TMEM132D: variants seen among roughly 807,000 people sequenced by gnomAD.
The protein encoded by TMEM132D is transmembrane protein 132D.
TMEM132D carries 21 observed loss-of-function variants against 62.3 expected under a neutral mutation model. That is an observed-to-expected ratio of 0.34 (90% confidence interval 0.24 to 0.49). TMEM132D has a LOEUF of 0.49. Ranked by LOEUF, TMEM132D falls within the 20% of genes least tolerant of loss-of-function variation. The probability of loss-of-function intolerance (pLI) is 0.99; values close to 1 mark genes in which losing one functional copy is unlikely to be tolerated. For missense variants in TMEM132D, 1,346 were observed against 1,402.8 expected (o/e 0.96, Z 0.65); for synonymous variants, 621 against 575.6 (o/e 1.08, Z -1.13).
chr12:129,784,369 G>A (rs1871200846), intron 1 of TMEM132D, among the ~76,000 whole-genome samples: 2 of 152,110 alleles, frequency 1.3e-5, no homozygotes, highest in South Asian at 2.1e-4. Context: ...ACAAATAGAC[G>A]CTAGTGGAGG....
intron 2 of TMEM132D, among the ~76,000 whole-genome samples, chr12:129,694,717 A>T (rs1396326603): frequency 6.6e-6 from 1 of 152,152 alleles, no homozygotes; most frequent in Non-Finnish European, 1.5e-5. Flanking sequence ...TGGTCTATAA[A>T]TGTGTTCTGG....
chr12:129,219,135 C>T (rs1043380859), intron 4 of TMEM132D, among the ~76,000 whole-genome samples: 1 of 152,162 alleles, frequency 6.6e-6, no homozygotes, highest in African/African-American at 2.4e-5. Flanking sequence ...TGTGTCCCCA[C>T]CCAAATCTCA....
chr12:129,818,564 GTGTGTA>G (rs146992922), intron 1 of TMEM132D, among the ~76,000 whole-genome samples: 17,222 of 150,358 alleles, frequency 0.11, 983 homozygotes, highest in Admixed American at 0.14. Context: ...TGAGGTGTAT[GTGTGTA>G]TGTGTATGTG....
intron 5 of TMEM132D, among the ~76,000 whole-genome samples, chr12:129,184,941 T>C (rs576650559): frequency 1.3e-5 from 2 of 152,296 alleles, no homozygotes; most frequent in South Asian, 4.1e-4. Flanking sequence ...GCCCCAGAGC[T>C]GAGTCTCACA....
intron 2 of TMEM132D, among the ~76,000 whole-genome samples, chr12:129,621,478 C>A (rs1879065283): frequency 6.6e-6 from 1 of 151,158 alleles, no homozygotes; most frequent in Non-Finnish European, 1.5e-5. Context: ...GACTTTGTCT[C>A]TTTACTCACT....
At chr12:129,436,227 C>A (rs1872783405) in intron 3 of TMEM132D, among the ~76,000 whole-genome samples, 1 of 152,104 alleles carries the variant, frequency 6.6e-6, no homozygotes, top group African/African-American at 2.4e-5. Flanking sequence ...GTCCTGGAAT[C>A]CCTTGAAAGT....
chr12:129,087,954 C>CATGA (rs1874692064), intron 5 of TMEM132D, among the ~76,000 whole-genome samples: 3 of 97,666 alleles, frequency 3.1e-5, no homozygotes, highest in African/African-American at 8.4e-5. Flanking sequence ...GGGTGTCCTC[C>CATGA]CTGACCGGGG....
intron 5 of TMEM132D, among the ~76,000 whole-genome samples, chr12:129,207,570 G>T (rs1878891856): frequency 6.6e-6 from 1 of 152,122 alleles, no homozygotes; most frequent in South Asian, 2.1e-4. Flanking sequence ...AGAGTTAAAG[G>T]CAGAGGGAGG....
Position 129,409,206 on chromosome 12 carries a change from T to G in TMEM132D, c.1116-71389A>C, listed in dbSNP as rs193057464. On this transcript the variant is annotated intron_variant, in intron 3 of 8. Transcript: ENST00000422113. ...CCTCAGCCTCCCAAAGTGCTGGGATTACAGGCATGAGCCACCGCACCCGGC... is the reference window on the plus strand; with the variant it reads ...CCTCAGCCTCCCAAAGTGCTGGGATGACAGGCATGAGCCACCGCACCCGGC... Among the ~76,000 whole-genome samples the G allele has an allele frequency of 7.6e-3, 1,151 of 152,300 alleles. 18 individuals are homozygous for G. Among genetic ancestry groups the G allele is most frequent in the African/African-American group, 0.025 (1,043 of 41,574 alleles).
At chr12:129,698,411 G>A (rs1881257429) in intron 2 of TMEM132D, among the ~76,000 whole-genome samples, 1 of 149,808 alleles carries the variant, frequency 6.7e-6, no homozygotes, top group South Asian at 2.1e-4. Context: ...AGTTAAAATA[G>A]GCATTTCTAA....
intron 2 of TMEM132D, among the ~76,000 whole-genome samples, chr12:129,590,247 A>G (rs1878151914): frequency 6.6e-6 from 1 of 152,150 alleles, no homozygotes; most frequent in South Asian, 2.1e-4. Context: ...AGCAACCCCC[A>G]TCCTTGCCAT....
intron 4 of TMEM132D, among the ~76,000 whole-genome samples, chr12:129,242,983 A>T (rs1268963369): frequency 8.5e-6 from 1 of 118,178 alleles, no homozygotes; most frequent in Non-Finnish European, 1.9e-5. Flanking sequence ...GCCTGCTCCC[A>T]CATCTTGTCT....
chr12:129,771,082 G>A (rs543039585), intron 1 of TMEM132D, among the ~76,000 whole-genome samples: 57 of 152,294 alleles, frequency 3.7e-4, no homozygotes, highest in African/African-American at 1.2e-3. Flanking sequence ...GGTGCAGCCC[G>A]CACTCGGGCT....
intron 4 of TMEM132D, among the ~76,000 whole-genome samples, chr12:129,263,260 T>C (rs1880598910): frequency 6.6e-6 from 1 of 152,166 alleles, no homozygotes; most frequent in Admixed American, 6.5e-5. Flanking sequence ...TGATATTCCT[T>C]TACTATACTC....
At chr12:129,260,904 C>T (rs945863408) in intron 4 of TMEM132D, among the ~76,000 whole-genome samples, 2 of 152,180 alleles carry the variant, frequency 1.3e-5, no homozygotes, top group Non-Finnish European at 2.9e-5. Context: ...TTTTCTTTAT[C>T]CACTTGGTTG....
chr12:129,167,773 T>C (rs1385217456), intron 5 of TMEM132D, among the ~76,000 whole-genome samples: 2 of 151,918 alleles, frequency 1.3e-5, no homozygotes, highest in Non-Finnish European at 2.9e-5. Context: ...GTTTGCCCAA[T>C]TGGGAGGCCC....
At chr12:129,575,014 A>C (rs1450704029) in intron 2 of TMEM132D, among the ~76,000 whole-genome samples, 1 of 151,726 alleles carries the variant, frequency 6.6e-6, no homozygotes, top group Non-Finnish European at 1.5e-5. Context: ...TAAGGAAGGC[A>C]GCTCACTCTC....
At chr12:129,191,317 A>ACACACACT (rs1878395929) in intron 5 of TMEM132D, among the ~76,000 whole-genome samples, 1 of 151,632 alleles carries the variant, frequency 6.6e-6, no homozygotes, top group Non-Finnish European at 1.5e-5. Flanking sequence ...ACACACACAC[A>ACACACACT]CACACACACT....
At chr12:129,648,447 G>A (rs536944407) in intron 2 of TMEM132D, among the ~76,000 whole-genome samples, 13 of 152,124 alleles carry the variant, frequency 8.5e-5, no homozygotes, top group Non-Finnish European at 1.6e-4. Context: ...CCGGTATCCT[G>A]TTTCGTGGCT....
Sources: allele counts gnomAD v4.1 joint callset (sites outside exome capture counted in the v4.1 genomes callset), GRCh38; gene constraint gnomAD v4.1.1; transcripts MANE v1.5; gene names NCBI Gene and HGNC (gene_info 2026-07-23, HGNC 2026-07-21).